Variants in GPM6A observed in about 807,000 individuals in gnomAD.
The protein encoded by GPM6A is neuronal membrane glycoprotein M6-a.
In GPM6A, 7 loss-of-function variants were observed where a neutral mutation model predicts 32.1. The ratio of observed to expected loss-of-function variants is 0.22; its 90% CI spans 0.12 to 0.41. The LOEUF (loss-of-function observed/expected upper bound fraction) is 0.41. GPM6A is among the 10% of genes least tolerant of loss of function. GPM6A has a pLI of 1.00. For missense variants in GPM6A, 235 were observed against 347.2 expected (o/e 0.68, Z 2.57); for synonymous variants, 130 against 123.4 (o/e 1.05, Z -0.35).
intron 1 of GPM6A, among the ~76,000 whole-genome samples, chr4:175,836,913 C>G (rs745556616): frequency 5.9e-5 from 9 of 152,116 alleles, no homozygotes; most frequent in Admixed American, 5.2e-4. Flanking sequence ...ACAACTCCCC[C>G]AGGATGTCCG....
rs564869816 is a variant in GPM6A at position 175,787,056 on chromosome 4, T to C, written c.37+25135A>G. The C allele has an allele frequency of 1.2e-5, 4 of 337,454 alleles. No homozygotes were observed. The East Asian group carries it at 2.0e-4, about 17-fold the overall frequency. 20.9% of individuals were successfully genotyped at this position (337,454 alleles called of 1,614,324 possible). A position where few individuals can be genotyped will look rare whatever the true frequency, so the allele number is the denominator to read the frequency against. ...CTTTAGCCTATAATCTCGGTGTTTG[T>C]TTGTTTTCCTTTGTTTTTCTATTTC... On this transcript the variant is annotated intron_variant, in intron 1 of 6. Coordinates refer to ENST00000393658, the MANE Select transcript of GPM6A (RefSeq NM_201591.3).
At chr4:175,666,166 T>C (rs1742742829) in intron 3 of GPM6A, among the ~76,000 whole-genome samples, 1 of 152,076 alleles carries the variant, frequency 6.6e-6, no homozygotes, top group Admixed American at 6.5e-5. Context: ...GTGATCCACC[T>C]GCCTCGGTCT....
intron 2 of GPM6A, among the ~76,000 whole-genome samples, chr4:175,692,259 A>T (rs1029644628): frequency 6.6e-6 from 1 of 152,196 alleles, no homozygotes; most frequent in Middle Eastern, 3.2e-3. Flanking sequence ...ATAAATTCCT[A>T]GAAAAAAATT....
intron 1 of GPM6A, among the ~76,000 whole-genome samples, chr4:175,891,158 T>C (rs1008865303): frequency 6.6e-6 from 1 of 152,202 alleles, no homozygotes; most frequent in Admixed American, 6.5e-5. Flanking sequence ...GTGATCATTA[T>C]AGGCCAAAAT....
At position 175,733,401 on chromosome 4, in the gene GPM6A, G is replaced by A. The variant is rs181983631; in HGVS notation, c.38-31634C>T. Among the ~76,000 whole-genome samples the A allele has an allele frequency of 4.7e-3, 718 of 152,248 alleles. 2 individuals carry two copies. The highest frequency in any genetic ancestry group is 0.01 in the Admixed American group (154 of 15,296). On this transcript the variant is annotated intron_variant, in intron 1 of 6. Transcript: ENST00000393658. ...GCCTATAGTCCAAGCTACTCGGGAG[G>A]CTGAGGCAGGAGAATCACTTGAACC...
chr4:175,783,236 T>A (rs1733679492), intron 1 of GPM6A, among the ~76,000 whole-genome samples: 1 of 151,982 alleles, frequency 6.6e-6, no homozygotes, highest in Non-Finnish European at 1.5e-5. Flanking sequence ...TTCATCTACA[T>A]AAGAAACTTA....
At chr4:175,730,368 G>C (rs1731363533) in intron 1 of GPM6A, among the ~76,000 whole-genome samples, 1 of 151,892 alleles carries the variant, frequency 6.6e-6, no homozygotes, top group Non-Finnish European at 1.5e-5. Context: ...TCAGCCTCCC[G>C]AGTAGCTGGG....
chr4:175,956,422 T>C (rs562038182), intron 1 of GPM6A, among the ~76,000 whole-genome samples: 2 of 152,228 alleles, frequency 1.3e-5, no homozygotes, highest in Non-Finnish European at 2.9e-5. Flanking sequence ...CATATCACTA[T>C]TTCTATTTTT....
At chr4:175,780,074 G>T (rs1207939775) in intron 1 of GPM6A, among the ~76,000 whole-genome samples, 1 of 147,508 alleles carries the variant, frequency 6.8e-6, no homozygotes, top group Non-Finnish European at 1.5e-5. Context: ...ATGGAGTCTT[G>T]CTCTGTTGCC....
chr4:175,790,950 T>C (rs1733989250), intron 1 of GPM6A, among the ~76,000 whole-genome samples: 1 of 152,190 alleles, frequency 6.6e-6, no homozygotes, highest in Non-Finnish European at 1.5e-5. Flanking sequence ...ATTTACTATA[T>C]TTACAATTAA....
chr4:175,675,130 T>G (rs1024283300), intron 2 of GPM6A, among the ~76,000 whole-genome samples: 30 of 151,988 alleles, frequency 2.0e-4, no homozygotes, highest in Non-Finnish European at 4.1e-4. Flanking sequence ...TTTGAAAACA[T>G]TCATTCCATA....
intron 1 of GPM6A, among the ~76,000 whole-genome samples, chr4:175,966,370 T>C (rs1341883590): frequency 1.3e-5 from 2 of 151,668 alleles, no homozygotes; most frequent in African/African-American, 4.8e-5. Flanking sequence ...CTTCTGCATT[T>C]CAGCCTGGGG....
At chr4:175,761,061 T>C (rs969508033) in intron 1 of GPM6A, among the ~76,000 whole-genome samples, 2 of 152,256 alleles carry the variant, frequency 1.3e-5, no homozygotes, top group South Asian at 4.1e-4. Context: ...GAGAAAGTTA[T>C]GTATCACTTT....
chr4:175,909,282 A>G lies in GPM6A; in HGVS notation c.-23+93027T>C, dbSNP rs527891334. On this transcript the variant is annotated intron_variant, in intron 1 of 7. Coordinates refer to the GPM6A transcript ENST00000280187. ...CAAACACATATCAGCGGTTGCTAAG[A>G]CAGTCCAAATGTTTTCAGATCCTTT... Among the ~76,000 whole-genome samples, 3 of 152,244 alleles carry G rather than the reference A, an allele frequency of 2.0e-5. No individual in the cohort carries two copies. The South Asian group carries it at 6.2e-4, about 32-fold the overall frequency.
intron 2 of GPM6A, among the ~76,000 whole-genome samples, chr4:175,682,601 C>T (rs1743749331): frequency 6.6e-6 from 1 of 152,256 alleles, no homozygotes; most frequent in East Asian, 1.9e-4. Flanking sequence ...GGGGACAAGT[C>T]CAGGGCCCCA....
At chr4:175,930,826 A>G (rs1456731939) in intron 1 of GPM6A, among the ~76,000 whole-genome samples, 2 of 152,134 alleles carry the variant, frequency 1.3e-5, no homozygotes, top group Non-Finnish European at 2.9e-5. Context: ...GGCACAATAT[A>G]TTATTAAATC....
At chr4:175,746,462 A>G (rs1026419416) in intron 1 of GPM6A, among the ~76,000 whole-genome samples, 2 of 152,192 alleles carry the variant, frequency 1.3e-5, no homozygotes, top group Non-Finnish European at 2.9e-5. Context: ...GTGTTCTCTT[A>G]AAAGACCAGA....
intron 1 of GPM6A, among the ~76,000 whole-genome samples, chr4:175,791,112 T>A (rs989177443): frequency 6.6e-6 from 1 of 152,174 alleles, no homozygotes; most frequent in Non-Finnish European, 1.5e-5. Flanking sequence ...CAATTTATAA[T>A]CATGTTATGC....
chr4:175,740,106 T>C (rs955681032), intron 1 of GPM6A, among the ~76,000 whole-genome samples: 8 of 152,122 alleles, frequency 5.3e-5, no homozygotes, highest in African/African-American at 1.9e-4. Flanking sequence ...AAGAAACATA[T>C]ACTAAATTTA....
Sources: gnomAD v4.1 joint callset for allele counts (sites outside exome capture counted in the v4.1 genomes callset) on GRCh38, gnomAD v4.1.1 for gene constraint, MANE v1.5 for transcripts, NCBI Gene and HGNC (gene_info 2026-07-23, HGNC 2026-07-21) for gene names.